The following ANXA5 variants were observed in gnomAD, a reference collection of about 807,000 sequenced individuals.
ANXA5 encodes annexin A5.
In ANXA5, 40 loss-of-function variants were observed where a neutral mutation model predicts 48.1. That is an observed-to-expected ratio of 0.83 (90% CI 0.65 to 1.08). ANXA5 has a LOEUF of 1.08. ANXA5 is among the 50% of genes least tolerant of loss of function. The pLI is 0.00. For missense variants in ANXA5, 357 were observed against 376.8 expected (o/e 0.95, Z 0.44); for synonymous variants, 113 against 129.1 (o/e 0.88, Z 0.85).
chr4:121,677,226 G>C (rs563113123), intron 8 of ANXA5, among the ~76,000 whole-genome samples: 4 of 152,284 alleles, frequency 2.6e-5, no homozygotes, highest in African/African-American at 9.6e-5. Flanking sequence ...TGACCAGAAA[G>C]AGGTCTATGA....
chr4:121,684,996 A>G (rs1024246797), intron 3 of ANXA5, among the ~76,000 whole-genome samples: 3 of 150,838 alleles, frequency 2.0e-5, no homozygotes, highest in Admixed American at 1.3e-4. Flanking sequence ...CCTGGTCAAC[A>G]TAGTGAGACC....
rs1445314149 is a variant in ANXA5 at position 121,681,742 on chromosome 4, T to A, written c.323A>T (p.Lys108Ile). 2 of 1,612,196 alleles carry A rather than the reference T, an allele frequency of 1.2e-6. No individual in the cohort carries two copies. Among genetic ancestry groups the A allele is most frequent in the Admixed American group, 1.7e-5 (1 of 59,962 alleles). Residue 108 changes from lysine (K) to isoleucine (I), a missense_variant, in exon 6 of 13, where the codon AAA becomes ATA. Physicochemically the swap from Lys to Ile is moderately radical, Grantham distance 102. Coordinates refer to ENST00000296511, the MANE Select transcript of ANXA5 (RefSeq NM_001154.4). Reference sequence around the variant, plus strand: ...TGAAGCAATAATTTCTGTCAGTACTTTTTCATTTGTTCCAGCTCCCTGTTT... The same window carrying A: ...TGAAGCAATAATTTCTGTCAGTACTATTTCATTTGTTCCAGCTCCCTGTTT... ...HALKGAGTNE[K>I]VLTEIIASRT...
chr4:121,682,121 A>C (rs975852750), intron 5 of ANXA5, among the ~76,000 whole-genome samples: 1 of 152,156 alleles, frequency 6.6e-6, no homozygotes, highest in African/African-American at 2.4e-5. Flanking sequence ...TTAAAAACCG[A>C]AAGAGTAAAA....
intron 9 of ANXA5, 69 bp from the exon 10 acceptor site, chr4:121,671,711 T>G: frequency 9.1e-7 from 1 of 1,100,122 alleles, no homozygotes; most frequent in Non-Finnish European, 1.4e-6. Flanking sequence ...GTATTTACTT[T>G]GATTAGGTAG....
Position 121,668,409 on chromosome 4 carries a change from C to T in ANXA5, c.*59G>A. 1 of 1,499,178 alleles carries T rather than the reference C, an allele frequency of 6.7e-7. No individual in the cohort carries two copies. Among genetic ancestry groups the T allele is most frequent in the Non-Finnish European group, 9.3e-7 (1 of 1,076,086 alleles). 92.9% of individuals were successfully genotyped at this position (1,499,178 alleles called of 1,614,324 possible). A position where few individuals can be genotyped will look rare whatever the true frequency, so the allele number is the denominator to read the frequency against. Reference sequence around the variant, plus strand: ...TGGCATACAAATGCAGCTAAAGGTGCTGAAGGAAGGCAGTGGGGTGGTGCA... The same window carrying T: ...TGGCATACAAATGCAGCTAAAGGTGTTGAAGGAAGGCAGTGGGGTGGTGCA... On this transcript the variant is annotated 3_prime_UTR_variant, in exon 13 of 13. Transcript: ENST00000296511.
chr4:121,676,958 C>T (rs910308470), intron 8 of ANXA5, among the ~76,000 whole-genome samples: 3 of 152,116 alleles, frequency 2.0e-5, no homozygotes, highest in African/African-American at 7.2e-5. Context: ...CAGAGTGAAG[C>T]AAGAGTCAAA....
chr4:121,672,383 T>C, intron 9 of ANXA5, 150 bp downstream of exon 9: 1 of 604,876 alleles, frequency 1.7e-6, no homozygotes, highest in Non-Finnish European at 2.9e-6. Context: ...AAAAACAATG[T>C]TGAGATTTCT....
Position 121,683,370 on chromosome 4 carries a change from G to C in ANXA5, c.297C>G (p.Ala99=), listed in dbSNP as rs770639421. The C allele has an allele frequency of 1.3e-6, 2 of 1,586,622 alleles. No individual in the cohort carries two copies. Among genetic ancestry groups the C allele is most frequent in the Admixed American group, 1.7e-5 (1 of 58,160 alleles). Residue 99 remains alanine, a synonymous_variant, in exon 5 of 13, where the codon GCC becomes GCG. Coordinates refer to ENST00000296511, the MANE Select transcript of ANXA5 (RefSeq NM_001154.4). The part of the protein sequence containing the change: ...RLYDAYELKH[A]LKGAGTNEKV... ...TTTCACTCATCCTTTTTACCTTCAAGGCATGTTTCAGTTCATAAGCATCAT... is the reference window on the plus strand; with the variant it reads ...TTTCACTCATCCTTTTTACCTTCAACGCATGTTTCAGTTCATAAGCATCAT...
At chr4:121,686,784 C>T (rs1218703957) in intron 2 of ANXA5, among the ~76,000 whole-genome samples, 2 of 152,166 alleles carry the variant, frequency 1.3e-5, no homozygotes, top group Non-Finnish European at 2.9e-5. Flanking sequence ...GCTCTTGTTA[C>T]GTGCCTTTTG....
At chr4:121,691,827 T>G (rs956835175) in intron 2 of ANXA5, among the ~76,000 whole-genome samples, 6 of 152,138 alleles carry the variant, frequency 3.9e-5, no homozygotes, top group African/African-American at 1.4e-4. Context: ...AAATTATTTA[T>G]CACTGTACTA....
In ANXA5 at chr4:121,668,164, G is replaced by T. The variant is rs1303031839; in HGVS notation, c.*304C>A. On this transcript the variant is annotated 3_prime_UTR_variant, in exon 13 of 13. Transcript: ENST00000296511. ...CATGGTTACAAATGTAATATAAATG[G>T]AGTTTTTAAAAAAGGCTAAAAGCAC... 4.5e-6 allele frequency: 1 copy of T among 221,602 alleles called. No homozygotes were observed. The highest frequency in any genetic ancestry group is 8.8e-6 in the Non-Finnish European group (1 of 113,684). The allele number at this position is 221,602 out of a possible 1,614,324, so 13.7% of individuals were successfully genotyped here.
At chr4:121,680,947 C>T (rs892484068) in intron 6 of ANXA5, among the ~76,000 whole-genome samples, 1 of 152,138 alleles carries the variant, frequency 6.6e-6, no homozygotes, top group South Asian at 2.1e-4. Flanking sequence ...TGGCAAGATA[C>T]AGCCCCTAGC....
At chr4:121,683,789 A>G (rs1333954478) in intron 4 of ANXA5, among the ~76,000 whole-genome samples, 1 of 152,182 alleles carries the variant, frequency 6.6e-6, no homozygotes, top group Non-Finnish European at 1.5e-5. Context: ...TCTGAGAAAC[A>G]TATCTTCTTT....
chr4:121,684,879 G>A (rs1293833819), intron 3 of ANXA5, 108 bp from the exon 4 acceptor site: 7 of 799,862 alleles, frequency 8.8e-6, no homozygotes, highest in South Asian at 4.8e-5. Flanking sequence ...CTCCCTATGC[G>A]AATATAAAAT....
At chr4:121,694,349 A>C (rs1194453418) in intron 2 of ANXA5, among the ~76,000 whole-genome samples, 1 of 152,138 alleles carries the variant, frequency 6.6e-6, no homozygotes, top group Non-Finnish European at 1.5e-5. Context: ...TTTTGCCTTC[A>C]TGACATTCTT....
At chr4:121,672,366 C>G (rs1189223771) in intron 9 of ANXA5, among the ~76,000 whole-genome samples, 167 bp downstream of exon 9, 2 of 152,214 alleles carry the variant, frequency 1.3e-5, no homozygotes, top group Non-Finnish European at 2.9e-5. Context: ...AAAGCTACAA[C>G]AGCAGCAAAA....
intron 6 of ANXA5, among the ~76,000 whole-genome samples, chr4:121,681,051 A>C (rs1015331805): frequency 3.9e-5 from 6 of 152,170 alleles, no homozygotes; most frequent in Non-Finnish European, 8.8e-5. Flanking sequence ...GGCTACAAGA[A>C]ATCTGGTAAG....
chr4:121,687,066 G>A (rs888277150), intron 2 of ANXA5, among the ~76,000 whole-genome samples: 2 of 152,120 alleles, frequency 1.3e-5, no homozygotes, highest in African/African-American at 2.4e-5. Context: ...CAACACTTTG[G>A]GAGGCTGAGG....
At chr4:121,668,616 A>G (rs1349502184) in intron 12 of ANXA5, 89 bp from the exon 13 acceptor site, 8 of 1,085,728 alleles carry the variant, frequency 7.4e-6, no homozygotes, top group Admixed American at 3.5e-5. Flanking sequence ...AATTTTATTC[A>G]TAAGACTCTT....
Sources: gnomAD v4.1 joint callset for allele counts (sites outside exome capture counted in the v4.1 genomes callset) on GRCh38, gnomAD v4.1.1 for gene constraint, MANE v1.5 for transcripts, NCBI Gene and HGNC (gene_info 2026-07-23, HGNC 2026-07-21) for gene names.